The following HAO1 variants were observed in gnomAD, a reference collection of about 807,000 sequenced individuals.
HAO1 encodes 2-Hydroxyacid oxidase 1.
A neutral mutation model predicts 39.7 loss-of-function variants in HAO1; 34 were observed. That is an observed-to-expected ratio of 0.86 (90% confidence interval 0.65 to 1.14). The LOEUF is 1.14. Among genes scored for constraint, HAO1 ranks in the 50% most tolerant of loss-of-function variants. The pLI is 0.00. For missense variants in HAO1, 479 were observed against 464.5 expected (o/e 1.03, Z -0.29); for synonymous variants, 172 against 173.2 (o/e 0.99, Z 0.05).
intron 4 of HAO1, among the ~76,000 whole-genome samples, chr20:7,903,276 C>G (rs922322000): frequency 7.0e-6 from 1 of 142,292 alleles, no homozygotes; most frequent in African/African-American, 2.7e-5. Context: ...GTCAAATGTC[C>G]CATCTCTCCT....
intron 4 of HAO1, among the ~76,000 whole-genome samples, chr20:7,902,345 C>A (rs1158937177): frequency 6.6e-6 from 1 of 152,214 alleles, no homozygotes; most frequent in Non-Finnish European, 1.5e-5. Context: ...TCAGCAACCA[C>A]TACCCTGATC....
At position 7,914,211 on chromosome 20, in the gene HAO1, G is replaced by A; in HGVS notation, c.498C>T (p.Asn166=). ...FVTVDTPYLG[N]RLDDVRNRFK... is the part of the protein sequence containing the mutation. ...ATCTGTTACGCACATCATCCAGACGGTTGCCCAGGTAAGGTGTGTCCACTG... is the reference window on the plus strand; with the variant it reads ...ATCTGTTACGCACATCATCCAGACGATTGCCCAGGTAAGGTGTGTCCACTG... The change falls in exon 3 of 8, where the codon AAC becomes AAT. Residue 166 remains asparagine, a synonymous_variant. Coordinates refer to ENST00000378789, the MANE Select transcript of HAO1 (RefSeq NM_017545.3). 1 of 1,614,038 alleles carries A rather than the reference G, an allele frequency of 6.2e-7. No individual in the cohort carries two copies. The highest frequency in any genetic ancestry group is 8.5e-7 in the Non-Finnish European group (1 of 1,179,974).
intron 3 of HAO1, among the ~76,000 whole-genome samples, chr20:7,909,360 C>CATT (rs1555774012): frequency 7.3e-5 from 8 of 109,090 alleles, no homozygotes; most frequent in Non-Finnish European, 1.0e-4. Context: ...CGGATTATGA[C>CATT]ATATATATAT....
intron 1 of HAO1, among the ~76,000 whole-genome samples, chr20:7,935,259 T>C (rs935977568): frequency 2.0e-5 from 3 of 152,184 alleles, no homozygotes; most frequent in Admixed American, 2.0e-4. Flanking sequence ...ATTCCCAAGC[T>C]AAAAGACATT....
chr20:7,936,476 G>A (rs2050410645), intron 1 of HAO1, among the ~76,000 whole-genome samples: 1 of 144,408 alleles, frequency 6.9e-6, no homozygotes, highest in African/African-American at 2.6e-5. Flanking sequence ...TTTATGACAA[G>A]AACAAGCAAA....
At chr20:7,929,906 G>A (rs1241436213) in intron 2 of HAO1, among the ~76,000 whole-genome samples, 1 of 152,074 alleles carries the variant, frequency 6.6e-6, no homozygotes, top group African/African-American at 2.4e-5. Context: ...CAGTTAATAA[G>A]GTGGATTATT....
intron 2 of HAO1, among the ~76,000 whole-genome samples, chr20:7,925,731 T>C (rs1331258222): frequency 6.6e-6 from 1 of 152,128 alleles, no homozygotes; most frequent in African/African-American, 2.4e-5. Flanking sequence ...TTTTTCACTG[T>C]CACATTTTAA....
At chr20:7,918,651 C>CA (rs2050317781) in intron 2 of HAO1, among the ~76,000 whole-genome samples, 1 of 152,162 alleles carries the variant, frequency 6.6e-6, no homozygotes, top group Admixed American at 6.6e-5. Flanking sequence ...CGCTAGAGAC[C>CA]AGCAGCTGAG....
In HAO1 at chr20:7,883,415, A is replaced by G; in HGVS notation, c.*178T>C. On this transcript the variant is annotated 3_prime_UTR_variant, in exon 8 of 8. Transcript: ENST00000378789. ...TTTCTTTCTAAAAGGTTCCTAGGAC[A>G]CCCATTGAAAAGTCAAAAGCAATGA... 1 of 593,140 alleles carries G rather than the reference A, an allele frequency of 1.7e-6. No individual in the cohort carries two copies. The highest frequency in any genetic ancestry group is 2.2e-5 in the South Asian group (1 of 45,790). The allele number at this position is 593,140 out of a possible 1,614,324, so 36.7% of individuals were successfully genotyped here.
At chr20:7,897,622 A>T (rs893423002) in intron 4 of HAO1, among the ~76,000 whole-genome samples, 2 of 151,914 alleles carry the variant, frequency 1.3e-5, no homozygotes, top group African/African-American at 4.8e-5. Context: ...TCATTTTTCT[A>T]ATCATTGGGA....
At chr20:7,909,381 A>ATATATATG (rs1555774038) in intron 3 of HAO1, among the ~76,000 whole-genome samples, 58 of 72,950 alleles carry the variant, frequency 8.0e-4, no homozygotes, top group East Asian at 6.6e-3. Flanking sequence ...ATATATATGT[A>ATATATATG]TATATATATA....
rs1439054448 is a variant in HAO1 at position 7,906,213 on chromosome 20, T to A, written c.662A>T (p.Asp221Val). 1 of 1,613,220 alleles carries A rather than the reference T, an allele frequency of 6.2e-7. No individual in the cohort carries two copies. The highest frequency in any genetic ancestry group is 8.5e-7 in the Non-Finnish European group (1 of 1,179,226). Residue 221 changes from aspartate (D) to valine (V), a missense_variant, in exon 4 of 8, where the codon GAT (aspartate) becomes GTT (valine). Asp to Val is a radical substitution (Grantham distance 152). Transcript: ENST00000378789. ...KAIDPSISWE[D>V]IKWLRRLTSL... Reference sequence around the variant, plus strand: ...TGTCAGTCTTCTCAGCCATTTGATATCTTCCCAGCTGATAGATGGGTCTAT... The same window carrying A: ...TGTCAGTCTTCTCAGCCATTTGATAACTTCCCAGCTGATAGATGGGTCTAT...
chr20:7,903,483 A>AT (rs2050230570), intron 4 of HAO1, among the ~76,000 whole-genome samples: 1 of 151,812 alleles, frequency 6.6e-6, no homozygotes, highest in African/African-American at 2.4e-5. Context: ...CATGGTGGTC[A>AT]TGGTGGTGAT....
At chr20:7,893,640 C>CT (rs1365239452) in intron 5 of HAO1, among the ~76,000 whole-genome samples, 2 of 152,158 alleles carry the variant, frequency 1.3e-5, no homozygotes, top group Admixed American at 1.3e-4. Flanking sequence ...CAGGAACTGA[C>CT]TCAGAGCAAG....
At chr20:7,933,574 C>T (rs754987119) in intron 2 of HAO1, among the ~76,000 whole-genome samples, 116 of 152,342 alleles carry the variant, frequency 7.6e-4, no homozygotes, top group Non-Finnish European at 1.4e-3. Context: ...CTCATTGTGC[C>T]ATTCTGATAT....
intron 4 of HAO1, among the ~76,000 whole-genome samples, chr20:7,896,532 C>A (rs1466341051): frequency 6.6e-6 from 1 of 151,846 alleles, no homozygotes; most frequent in Non-Finnish European, 1.5e-5. Flanking sequence ...TTATTTTTTT[C>A]AAATGATGAT....
chr20:7,886,241 T>G (rs1012468196), intron 5 of HAO1, among the ~76,000 whole-genome samples: 1 of 152,088 alleles, frequency 6.6e-6, no homozygotes, highest in African/African-American at 2.4e-5. Context: ...TTTTGTGATC[T>G]CGGCTCACTG....
intron 2 of HAO1, among the ~76,000 whole-genome samples, chr20:7,928,292 C>T (rs1345223902): frequency 6.6e-6 from 1 of 152,116 alleles, no homozygotes; most frequent in African/African-American, 2.4e-5. Flanking sequence ...TCTAAACCCT[C>T]CAGGGCTGAC....
chr20:7,920,248 T>C (rs957902757), intron 2 of HAO1, among the ~76,000 whole-genome samples: 3 of 152,078 alleles, frequency 2.0e-5, no homozygotes, highest in Non-Finnish European at 4.4e-5. Flanking sequence ...CCTGCCACCA[T>C]GTAAGACATA....
Sources: allele counts gnomAD v4.1 joint callset (sites outside exome capture counted in the v4.1 genomes callset), GRCh38; gene constraint gnomAD v4.1.1; transcripts MANE v1.5; gene names NCBI Gene and HGNC (gene_info 2026-07-23, HGNC 2026-07-21).